HR: variants seen among roughly 807,000 people sequenced by gnomAD.
The protein encoded by HR is HR lysine demethylase and nuclear receptor corepressor.
In HR, 83 loss-of-function variants were observed where a neutral mutation model predicts 128.6. The ratio of observed to expected loss-of-function variants is 0.65; its 90% CI spans 0.54 to 0.77. The LOEUF (loss-of-function observed/expected upper bound fraction) is 0.77, where lower values mean the gene tolerates loss of function less well. HR is among the 30% of genes least tolerant of loss of function. The pLI is 0.00. For synonymous variants in HR, 681 were observed against 658.2 expected, an observed-to-expected ratio of 1.03 and a Z score of -0.53; for missense variants, 1,490 against 1,574.6, an observed-to-expected ratio of 0.95 and a Z score of 0.91.
intron 1 of HR, 29 bp from the exon 2 acceptor site, chr8:22,129,239 T>C (rs1423306951): frequency 6.7e-7 from 1 of 1,498,630 alleles, no homozygotes; most frequent in African/African-American, 1.4e-5. Flanking sequence ...AGCATGAGCT[T>C]CTGGGGCACA....
At chr8:22,123,946 A>G in intron 5 of HR, 133 bp from the exon 6 acceptor site, 1 of 1,044,384 alleles carries the variant, frequency 9.6e-7, no homozygotes. Context: ...CCCCCAGGGA[A>G]GGGAGACAGG....
At chr8:22,123,616 A>AGGGGGGGGGCGC in intron 6 of HR, 33 bp downstream of exon 6, 1 of 562,348 alleles carries the variant, frequency 1.8e-6, no homozygotes, top group Non-Finnish European at 3.0e-6. Flanking sequence ...TGAGGGCTCC[A>AGGGGGGGGGCGC]TCCCGCCCTC....
Position 22,125,739 on chromosome 8 carries a change from G to C in HR, c.1406-7C>G. On this transcript the variant is annotated splice_region_variant and splice_polypyrimidine_tract_variant and intron_variant, in intron 3 of 18. Coordinates refer to ENST00000381418, the MANE Select transcript of HR (RefSeq NM_005144.5). ...GCCTGGCCATCTTGGGGTCCTGAGG[G>C]GACAATGCAGAGGTCAGGAATCTGG... is the stretch of plus-strand genomic sequence containing the variant. The C allele has an allele frequency of 1.2e-6, 2 of 1,613,482 alleles. No individual in the cohort carries two copies. Among genetic ancestry groups the C allele is most frequent in the Non-Finnish European group, 1.7e-6 (2 of 1,179,974 alleles).
Position 22,122,832 on chromosome 8 carries a change from C to T in HR, c.1963G>A (p.Ala655Thr), listed in dbSNP as rs764136739. ...AEECTQEAGH[A>T]ACSLMLTQFV... ...TGGGTCAGCATCAGGGAACAGGCAGCGTGCCCGGCCTCCTGCGTGCACTCC... is the reference window on the plus strand; with the variant it reads ...TGGGTCAGCATCAGGGAACAGGCAGTGTGCCCGGCCTCCTGCGTGCACTCC... Residue 655 changes from alanine to threonine, a missense_variant, in exon 7 of 19, where the codon GCT becomes ACT. Coordinates refer to ENST00000381418, the MANE Select transcript of HR (RefSeq NM_005144.5). The T allele has an allele frequency of 1.3e-5, 21 of 1,556,080 alleles. No individual in the cohort carries two copies. In the East Asian group the frequency reaches 4.4e-4, roughly 32 times the overall value.
Position 22,127,391 on chromosome 8 carries a change from C to G in HR, c.1051G>C (p.Gly351Arg). Residue 351 changes from glycine (G) to arginine (R), a missense_variant, in exon 3 of 19, where the codon GGT becomes CGT. Gly to Arg is a moderately radical substitution (Grantham distance 125). Coordinates refer to ENST00000381418, the MANE Select transcript of HR (RefSeq NM_005144.5). ...CGKCQEGLEGGASGASEPSEE... is the reference protein window; with the variant it reads ...CGKCQEGLEGRASGASEPSEE... ...CTGGGTTCGCTGGCTCCACTGGCAC[C>G]CCCCTCCAGGCCCTCCTGGCACTTC... The G allele has an allele frequency of 6.2e-7, 1 of 1,613,306 alleles. No homozygotes were observed. The highest frequency in any genetic ancestry group is 8.5e-7 in the Non-Finnish European group (1 of 1,180,004).
At chr8:22,123,423 G>A (rs944891784) in intron 6 of HR, among the ~76,000 whole-genome samples, 7 of 152,206 alleles carry the variant, frequency 4.6e-5, no homozygotes, top group Non-Finnish European at 1.0e-4. Flanking sequence ...GACACCGAGT[G>A]GGCACACTCG....
intron 8 of HR, among the ~76,000 whole-genome samples, chr8:22,121,967 T>C (rs1407334329): frequency 6.6e-6 from 1 of 152,218 alleles, no homozygotes; most frequent in African/African-American, 2.4e-5. Context: ...GTCATTTTCT[T>C]CCTTATACTT....
Position 22,116,786 on chromosome 8 carries a change from A to C in HR, c.3378+89T>G. ...TCCCTGCCCTGCCCGGCTCTTGGGT[A>C]TTGAGGGGATGTTGGATGCCTGCGG... On this transcript the variant is annotated intron_variant, in intron 17 of 18. Coordinates refer to ENST00000381418, the MANE Select transcript of HR (RefSeq NM_005144.5). This position sits in a 1 kb window ranked among gnomAD's most constrained non-coding sequence, Gnocchi z 4.2. 4.1e-6 allele frequency: 6 copies of C among 1,463,898 alleles called. No homozygotes were observed. The highest frequency in any genetic ancestry group is 5.5e-6 in the Non-Finnish European group (6 of 1,081,110). The allele number at this position is 1,463,898 out of a possible 1,614,324, so 90.7% of individuals were successfully genotyped here.
chr8:22,121,819 C>G (rs1285131853), intron 8 of HR, 125 bp from the exon 9 acceptor site: 1 of 934,698 alleles, frequency 1.1e-6, no homozygotes, highest in Non-Finnish European at 1.7e-6. Flanking sequence ...TTTATAGGAG[C>G]AAAATGCCAT....
At position 22,116,382 on chromosome 8, in the gene HR, G is replaced by T. The variant is rs1400796079; in HGVS notation, c.3425C>A (p.Ser1142Tyr). Residue 1142 changes from serine to tyrosine, a missense_variant, in exon 18 of 19, where the codon TCC (serine) becomes TAC (tyrosine). By Grantham distance (144) the Ser-to-Tyr change is moderately radical. Transcript: ENST00000381418. The surrounding 1 kb of genome is among the most constrained non-coding windows in gnomAD (Gnocchi z 4.2). Reference sequence around the variant, plus strand: ...AGCAGAGAGGGCAGAGGTCTCAGGGGAGAGGAAGTGCTGAGTGACGCTGAC... The same window carrying T: ...AGCAGAGAGGGCAGAGGTCTCAGGGTAGAGGAAGTGCTGAGTGACGCTGAC... The part of the protein sequence containing the change: ...STVSVTQHFL[S>Y]PETSALSAQL... 1.2e-6 allele frequency: 2 copies of T among 1,613,720 alleles called. No individual in the cohort carries two copies. The highest frequency in any genetic ancestry group is 4.5e-5 in the East Asian group (2 of 44,890).
At chr8:22,122,630 A>G (rs1826784288) in intron 7 of HR, 22 bp from the exon 8 acceptor site, 1 of 1,583,286 alleles carries the variant, frequency 6.3e-7, no homozygotes, top group Admixed American at 1.7e-5. Context: ...GGTGGGCAGG[A>G]GAGGGAGGTT....
chr8:22,129,228 A>C lies in HR; in HGVS notation c.-40-18T>G. On this transcript the variant is annotated intron_variant, in intron 1 of 18. Coordinates refer to ENST00000381418, the MANE Select transcript of HR (RefSeq NM_005144.5). ...GGGGGTCCCTGGAGCATAACCATCA[A>C]AGCATGAGCTTCTGGGGCACATGTC... The C allele has an allele frequency of 6.6e-7, 1 of 1,507,702 alleles. No homozygotes were observed. Among genetic ancestry groups the C allele is most frequent in the African/African-American group, 1.4e-5 (1 of 71,664 alleles). 93.4% of individuals were successfully genotyped at this position (1,507,702 alleles called of 1,614,324 possible). A position where few individuals can be genotyped will look rare whatever the true frequency, so the allele number is the denominator to read the frequency against.
rs58080661 is a variant in HR at position 22,121,065 on chromosome 8, A to G, written c.2367T>C (p.Ser789=). 0.035 allele frequency: 56,353 copies of G among 1,613,446 alleles called. 4,779 individuals carry two copies. The highest frequency in any genetic ancestry group is 0.33 in the African/African-American group (24,648 of 74,994). The change falls in exon 10 of 19, where the codon AGT becomes AGC. Residue 789 remains serine, a splice_region_variant and synonymous_variant. Coordinates refer to ENST00000381418, the MANE Select transcript of HR (RefSeq NM_005144.5). ...GCCCTCCCTCCGTGCCCTCACTCAC[A>G]CTGGGCAGGGCCGGAGTGACGGGGG... ...AFAPVTPALP[S]DDRITNILDS...
rs78703240 is a variant in HR at position 22,125,677 on chromosome 8, G to A, written c.1461C>T (p.Cys487=). Reference sequence around the variant, plus strand: ...GAGCCAGTTTTGCAGGGAGAGCCAGGCATGGTATGTCCTGAAGTCCCGGGT... The same window carrying A: ...GAGCCAGTTTTGCAGGGAGAGCCAGACATGGTATGTCCTGAAGTCCCGGGT... ...LQDPGLQDIP[C]LALPAKLAQC... Residue 487 remains cysteine (C), a synonymous_variant, in exon 4 of 19, where the codon TGC becomes TGT. Coordinates refer to ENST00000381418, the MANE Select transcript of HR (RefSeq NM_005144.5). The A allele has an allele frequency of 1.9e-3, 2,995 of 1,613,880 alleles. 48 individuals are homozygous for A. In the African/African-American group the frequency reaches 0.037, roughly 20 times the overall value.
intron 8 of HR, among the ~76,000 whole-genome samples, chr8:22,121,944 C>T (rs1826765339): frequency 6.6e-6 from 1 of 152,104 alleles, no homozygotes; most frequent in African/African-American, 2.4e-5. Flanking sequence ...CTAATGGTAG[C>T]ATTAAGGTCA....
chr8:22,117,572 G>C (rs1009898020), intron 16 of HR: 2 of 153,366 alleles, frequency 1.3e-5, no homozygotes, highest in Admixed American at 6.5e-5. Context: ...GGACCACTGC[G>C]AGGCTCTGAG....
At position 22,127,625 on chromosome 8, in the gene HR, T is replaced by C. The variant is rs781451679; in HGVS notation, c.817A>G (p.Thr273Ala). ...PCPLFLGQPD[T>A]VPWTSWPACP... ...GCGGGCCAGGAGGTCCAGGGCACAG[T>C]GTCTGGCTGCCCCAGGAAGAGCGGG... The change falls in exon 3 of 19, where the codon ACT (threonine) becomes GCT (alanine). Residue 273 changes from threonine to alanine, a missense_variant. By Grantham distance (58) the Thr-to-Ala change is moderately conservative (BLOSUM62 0). This residue lies in a region of HR where 1,060 missense variants were observed against 1,060.9 expected (regional missense o/e 1.00). Coordinates refer to ENST00000381418, the MANE Select transcript of HR (RefSeq NM_005144.5). 1.9e-6 allele frequency: 3 copies of C among 1,610,284 alleles called. No individual in the cohort carries two copies. Among genetic ancestry groups the C allele is most frequent in the Middle Eastern group, 1.6e-4 (1 of 6,080 alleles).
At chr8:22,128,039 C>G in intron 2 of HR, 1 of 640,836 alleles carries the variant, frequency 1.6e-6, no homozygotes, top group Non-Finnish European at 2.8e-6. Flanking sequence ...GACGTCCCCA[C>G]AAGGAAGTCT....
intron 6 of HR, 32 bp downstream of exon 6, chr8:22,123,615 CAT>C: frequency 7.9e-6 from 5 of 631,036 alleles, no homozygotes; most frequent in South Asian, 2.1e-5. Flanking sequence ...CTGAGGGCTC[CAT>C]CCCGCCCTCC....
Sources: gnomAD v4.1 joint callset for allele counts (sites outside exome capture counted in the v4.1 genomes callset) on GRCh38, gnomAD v4.1.1 for gene constraint, gnomAD v4.1.1 regional missense constraint, Gnocchi (gnomAD v3.1) non-coding constraint, MANE v1.5 for transcripts, NCBI Gene and HGNC (gene_info 2026-07-23, HGNC 2026-07-21) for gene names.